FOCAD: variants seen among roughly 807,000 people sequenced by gnomAD.
FOCAD encodes the protein KIAA1797.
FOCAD carries 198 observed loss-of-function variants against 225.6 expected under a neutral mutation model. That is an observed-to-expected ratio of 0.88 (90% CI 0.78 to 0.99). The LOEUF is 0.99. Ranked by LOEUF, FOCAD falls within the 50% of genes least tolerant of loss-of-function variation. FOCAD has a pLI of 0.00. For missense variants in FOCAD, 2,713 were observed against 2,123.6 expected (o/e 1.28, Z -5.46); for synonymous variants, 897 against 755.0 (o/e 1.19, Z -3.08).
chr9:20,951,669 C>T (rs1837700999), intron 34 of FOCAD, among the ~76,000 whole-genome samples: 1 of 152,100 alleles, frequency 6.6e-6, no homozygotes, highest in Admixed American at 6.5e-5. Context: ...AATTCTAGGC[C>T]TTAATATGAC....
chr9:20,941,674 A>G (rs1169282990), intron 28 of FOCAD, among the ~76,000 whole-genome samples: 1 of 152,248 alleles, frequency 6.6e-6, no homozygotes, highest in Non-Finnish European at 1.5e-5. Context: ...GGAATTTAAA[A>G]ACTCAAATTA....
At chr9:20,753,473 C>T (rs201637013) in intron 5 of FOCAD, among the ~76,000 whole-genome samples, 20 of 151,590 alleles carry the variant, frequency 1.3e-4, no homozygotes, top group African/African-American at 3.2e-4. Flanking sequence ...TATTGATTTG[C>T]GTATATTGAA....
In FOCAD at chr9:20,699,773, AATATATATATATATATATATATAT is replaced by A. The variant is rs1277614689; in HGVS notation, c.-33+15499_-32-15507del. Among the ~76,000 whole-genome samples, 178 of 30,364 alleles carry A rather than the reference AATATATATATATATATATATATAT, an allele frequency of 5.9e-3. 1 individual carries two copies. Among genetic ancestry groups the A allele is most frequent in the African/African-American group, 0.019 (141 of 7,414 alleles). 19.9% of individuals were successfully genotyped at this position (30,364 alleles called of 152,430 possible). A position where few individuals can be genotyped will look rare whatever the true frequency, so the allele number is the denominator to read the frequency against. ...AAAAAAAAAAAAAAAAAAAAAAAAA[AATATATATATATATATATATATAT>A]ATATATATATATATATATGAAGAGC... is the stretch of plus-strand genomic sequence containing the variant. On this transcript the variant is annotated intron_variant, in intron 1 of 43. Transcript: ENST00000338382.
Position 20,778,726 on chromosome 9 carries a change from C to A in FOCAD, c.952C>A (p.Leu318Ile). ...CATAATTGGAATAGCTTTACTACTTCTACAGACTCCAGCAAGTCAGCAGAA... is the reference window on the plus strand; with the variant it reads ...CATAATTGGAATAGCTTTACTACTTATACAGACTCCAGCAAGTCAGCAGAA... ...LVIIGIALLL[L>I]QTPASQQKPI... Residue 318 changes from leucine (L) to isoleucine (I), a missense_variant, in exon 9 of 44, where the codon CTA becomes ATA. Leu to Ile is a conservative substitution (Grantham distance 5). Transcript: ENST00000338382. 6.2e-7 allele frequency: 1 copy of A among 1,612,382 alleles called. No homozygotes were observed. Among genetic ancestry groups the A allele is most frequent in the Non-Finnish European group, 8.5e-7 (1 of 1,178,902 alleles).
chr9:20,683,490 T>C (rs758664995), upstream of FOCAD: 9 of 152,122 alleles, frequency 5.9e-5, no homozygotes, highest in Admixed American at 1.3e-4. Flanking sequence ...CTTTTCAGCG[T>C]GTTTCATCGT....
At chr9:20,676,892 A>G (rs990153210) in intron 2 of FOCAD, among the ~76,000 whole-genome samples, 3 of 152,234 alleles carry the variant, frequency 2.0e-5, no homozygotes, top group Non-Finnish European at 4.4e-5. Context: ...AAAACAACAT[A>G]AAATTTATAA....
intron 8 of FOCAD, among the ~76,000 whole-genome samples, chr9:20,770,761 C>T (rs1240595487): frequency 6.6e-6 from 1 of 152,158 alleles, no homozygotes; most frequent in African/African-American, 2.4e-5. Context: ...GCATTTTGAT[C>T]TAATACCATT....
chr9:20,674,604 C>G (rs1299416852), intron 2 of FOCAD, among the ~76,000 whole-genome samples: 3 of 152,206 alleles, frequency 2.0e-5, no homozygotes. Context: ...TGTGGTGCCA[C>G]TTTGGAACAA....
intron 5 of FOCAD, among the ~76,000 whole-genome samples, chr9:20,746,058 C>T (rs900893566): frequency 6.6e-6 from 1 of 152,106 alleles, no homozygotes; most frequent in Non-Finnish European, 1.5e-5. Flanking sequence ...ATGTGTTCAT[C>T]ACTTAAGGCC....
At chr9:20,974,817 A>G (rs1031357739) in intron 35 of FOCAD, among the ~76,000 whole-genome samples, 2 of 147,240 alleles carry the variant, frequency 1.4e-5, no homozygotes, top group African/African-American at 2.5e-5. Flanking sequence ...TGTGCTTCTC[A>G]TTTCTGCTGC....
intron 9 of FOCAD, among the ~76,000 whole-genome samples, 163 bp from the exon 10 acceptor site, chr9:20,781,564 C>G (rs1277920574): frequency 6.6e-6 from 1 of 152,264 alleles, no homozygotes; most frequent in African/African-American, 2.4e-5. Flanking sequence ...TATTTATACT[C>G]CTTTTATTTC....
At chr9:20,827,827 AC>A (rs1825066945) in intron 15 of FOCAD, among the ~76,000 whole-genome samples, 1 of 152,104 alleles carries the variant, frequency 6.6e-6, no homozygotes, top group Non-Finnish European at 1.5e-5. Flanking sequence ...CGAATGTAAA[AC>A]ATGAGGCCCA....
chr9:20,831,498 A>G (rs988633269), intron 15 of FOCAD, among the ~76,000 whole-genome samples: 108 of 152,072 alleles, frequency 7.1e-4, no homozygotes, highest in African/African-American at 2.3e-3. Flanking sequence ...AGGAGCTCAC[A>G]GTCTGGTAGG....
At chr9:20,784,412 GAA>G (rs1162368322) in intron 10 of FOCAD, among the ~76,000 whole-genome samples, 1 of 152,246 alleles carries the variant, frequency 6.6e-6, no homozygotes, top group Non-Finnish European at 1.5e-5. Context: ...GTCAGGCAAA[GAA>G]GAGTGGGTGT....
chr9:20,785,000 C>T (rs1819768446), intron 10 of FOCAD, among the ~76,000 whole-genome samples: 1 of 151,406 alleles, frequency 6.6e-6, no homozygotes, highest in South Asian at 2.1e-4. Flanking sequence ...GTATCTGGGC[C>T]CTGGTAAAAT....
At chr9:20,662,199 CAT>C (rs529967128) in intron 2 of FOCAD, among the ~76,000 whole-genome samples, 1 of 147,324 alleles carries the variant, frequency 6.8e-6, no homozygotes, top group Non-Finnish European at 1.5e-5. Context: ...TGTGTGTGTG[CAT>C]ATATGTGTGT....
chr9:20,915,764 A>G (rs1239592547), intron 23 of FOCAD, among the ~76,000 whole-genome samples: 1 of 152,122 alleles, frequency 6.6e-6, no homozygotes, highest in Non-Finnish European at 1.5e-5. Context: ...ATACAAGTAG[A>G]GATGGAAAAA....
At chr9:20,658,191 C>G (rs574468258), upstream of FOCAD, 165 of 152,378 alleles carry the variant, frequency 1.1e-3, no homozygotes, top group African/African-American at 3.6e-3. Flanking sequence ...AGCTGTCAGA[C>G]AGGGACACTT....
At chr9:20,962,562 C>G (rs1182465825) in intron 35 of FOCAD, among the ~76,000 whole-genome samples, 2 of 152,130 alleles carry the variant, frequency 1.3e-5, no homozygotes, top group Non-Finnish European at 2.9e-5. Flanking sequence ...AATATACAGA[C>G]TCAGGCTGTT....
Sources: gnomAD v4.1 joint callset for allele counts (sites outside exome capture counted in the v4.1 genomes callset) on GRCh38, gnomAD v4.1.1 for gene constraint, MANE v1.5 for transcripts, NCBI Gene and HGNC (gene_info 2026-07-23, HGNC 2026-07-21) for gene names.